NALF1: variants seen among roughly 807,000 people sequenced by gnomAD.
The protein encoded by NALF1 is NALCN channel auxiliary factor 1.
In NALF1, 3 loss-of-function variants were observed where a neutral mutation model predicts 48.4. The observed-to-expected ratio is 0.06, with a 90% CI of 0.03 to 0.16. The LOEUF (loss-of-function observed/expected upper bound fraction) is 0.16, where lower values mean the gene tolerates loss of function less well. Ranked by LOEUF, NALF1 falls within the 10% of genes least tolerant of loss-of-function variation. The pLI, the probability that NALF1 is intolerant of heterozygous loss-of-function variation, is 1.00. For synonymous variants in NALF1, 262 were observed against 245.7 expected (o/e 1.07, Z -0.62); for missense variants, 526 against 571.5 (o/e 0.92, Z 0.81).
chr13:107,419,999 C>CA (rs953328519), intron 1 of NALF1, among the ~76,000 whole-genome samples: 2 of 152,058 alleles, frequency 1.3e-5, no homozygotes, highest in Non-Finnish European at 2.9e-5. Context: ...TGAAAAGTAA[C>CA]AAAAATGGAA....
chr13:107,547,868 G>A (rs911937459), intron 1 of NALF1, among the ~76,000 whole-genome samples: 1 of 152,146 alleles, frequency 6.6e-6, no homozygotes, highest in African/African-American at 2.4e-5. Context: ...GAAGGGTTGC[G>A]ACTGCAAGAC....
chr13:107,540,524 G>T (rs1375438590), intron 1 of NALF1, among the ~76,000 whole-genome samples: 1 of 151,992 alleles, frequency 6.6e-6, no homozygotes, highest in African/African-American at 2.4e-5. Flanking sequence ...GCTCACTAGA[G>T]GCAGAAAATA....
At chr13:107,570,319 TAC>T (rs1386587299) in intron 1 of NALF1, among the ~76,000 whole-genome samples, 3 of 152,056 alleles carry the variant, frequency 2.0e-5, no homozygotes. Flanking sequence ...TGATCGTAGA[TAC>T]AGACTTTATA....
intron 1 of NALF1, among the ~76,000 whole-genome samples, chr13:107,561,576 C>T (rs1425781385): frequency 1.3e-5 from 2 of 152,166 alleles, no homozygotes; most frequent in South Asian, 2.1e-4. Flanking sequence ...CCAATACAGT[C>T]GCTACTTTGC....
chr13:107,493,900 A>G (rs142781856), intron 1 of NALF1, among the ~76,000 whole-genome samples: 161 of 152,154 alleles, frequency 1.1e-3, no homozygotes, highest in African/African-American at 3.8e-3. Flanking sequence ...TCAAAATTAT[A>G]TATATACACA....
intron 1 of NALF1, among the ~76,000 whole-genome samples, chr13:107,763,172 T>C (rs1288091850): frequency 4.6e-5 from 7 of 151,876 alleles, no homozygotes; most frequent in African/African-American, 9.7e-5. Context: ...GTAAACATAA[T>C]ACACTAGAAA....
intron 1 of NALF1, among the ~76,000 whole-genome samples, chr13:107,839,662 G>C (rs2138633962): frequency 6.7e-6 from 1 of 148,884 alleles, no homozygotes; most frequent in East Asian, 2.1e-4. Flanking sequence ...TTTAGAGTGG[G>C]GAAAATGTGG....
chr13:107,749,922 C>T (rs956706211), intron 1 of NALF1, among the ~76,000 whole-genome samples: 18 of 151,822 alleles, frequency 1.2e-4, no homozygotes, highest in African/African-American at 4.1e-4. Context: ...CAGGTTCAAG[C>T]GATTCTCCTG....
At chr13:107,628,711 C>T (rs1290582240) in intron 1 of NALF1, among the ~76,000 whole-genome samples, 1 of 152,188 alleles carries the variant, frequency 6.6e-6, no homozygotes, top group Non-Finnish European at 1.5e-5. Flanking sequence ...TTAACTTTCA[C>T]ATAGAATGCC....
intron 1 of NALF1, among the ~76,000 whole-genome samples, chr13:107,355,109 C>T (rs189560457): frequency 6.6e-6 from 1 of 152,300 alleles, no homozygotes; most frequent in East Asian, 1.9e-4. Context: ...GTGGGCAGCC[C>T]AGTCTTTGGG....
At chr13:107,621,785 G>C (rs915944278) in intron 1 of NALF1, among the ~76,000 whole-genome samples, 1 of 152,174 alleles carries the variant, frequency 6.6e-6, no homozygotes, top group Non-Finnish European at 1.5e-5. Flanking sequence ...ACCTAGAGGA[G>C]GCTGTGGCCT....
intron 1 of NALF1, among the ~76,000 whole-genome samples, chr13:107,793,391 G>C (rs576491425): frequency 1.3e-5 from 2 of 152,280 alleles, no homozygotes; most frequent in East Asian, 1.9e-4. Context: ...CTAACATATA[G>C]CTAGGCTATG....
At chr13:107,823,068 T>C (rs1036279681) in intron 1 of NALF1, among the ~76,000 whole-genome samples, 7 of 152,192 alleles carry the variant, frequency 4.6e-5, no homozygotes, top group African/African-American at 1.7e-4. Context: ...AATGCTGTTG[T>C]CAAAAGCATT....
At chr13:107,688,478 G>C (rs1881489089) in intron 1 of NALF1, among the ~76,000 whole-genome samples, 1 of 152,100 alleles carries the variant, frequency 6.6e-6, no homozygotes, top group African/African-American at 2.4e-5. Flanking sequence ...ACCAGCTATA[G>C]AAAAATATAT....
At chr13:107,520,775 G>T (rs1017447023) in intron 1 of NALF1, among the ~76,000 whole-genome samples, 2 of 152,110 alleles carry the variant, frequency 1.3e-5, no homozygotes, top group African/African-American at 2.4e-5. Context: ...ATGCTGGCAG[G>T]GTGCCCCAGT....
At chr13:107,807,309 G>A (rs955421450) in intron 1 of NALF1, among the ~76,000 whole-genome samples, 4 of 152,074 alleles carry the variant, frequency 2.6e-5, no homozygotes, top group Non-Finnish European at 4.4e-5. Context: ...ATGCATTTTT[G>A]TATAATATTA....
intron 1 of NALF1, among the ~76,000 whole-genome samples, chr13:107,357,356 G>A (rs1272066421): frequency 6.6e-6 from 1 of 152,134 alleles, no homozygotes; most frequent in Non-Finnish European, 1.5e-5. Context: ...ACAGCATGAG[G>A]GAAACTGCCC....
intron 1 of NALF1, among the ~76,000 whole-genome samples, chr13:107,775,934 T>G (rs1214543736): frequency 2.0e-5 from 3 of 152,206 alleles, no homozygotes; most frequent in Non-Finnish European, 4.4e-5. Context: ...GCACCTGGCC[T>G]AAGAGCCAAA....
At chr13:107,398,549 T>C (rs1883752052) in intron 1 of NALF1, among the ~76,000 whole-genome samples, 1 of 152,160 alleles carries the variant, frequency 6.6e-6, no homozygotes, top group Non-Finnish European at 1.5e-5. Flanking sequence ...AAATAAATAT[T>C]ATAGTAGGTT....
Sources: gnomAD v4.1 joint callset for allele counts (sites outside exome capture counted in the v4.1 genomes callset) on GRCh38, gnomAD v4.1.1 for gene constraint, MANE v1.5 for transcripts, NCBI Gene and HGNC (gene_info 2026-07-23, HGNC 2026-07-21) for gene names.